PHB1: variants seen among roughly 807,000 people sequenced by gnomAD.
PHB1 encodes the protein prohibitin 1.
At chr17:49,414,194 G>A in the PHB1 span, 8 of 152,166 alleles carry the variant, frequency 5.3e-5, no homozygotes, top group Admixed American at 4.6e-4. Flanking sequence ...TTAAGTGGTA[G>A]AACCAGAATT....
chr17:49,406,859 G>A, the PHB1 span: 2 of 1,605,988 alleles, frequency 1.2e-6, no homozygotes, highest in East Asian at 4.5e-5. Flanking sequence ...ATGTGTCTAA[G>A]GGGAGAGAGT....
At chr17:49,407,046 C>G in the PHB1 span, 14 of 604,590 alleles carry the variant, frequency 2.3e-5, no homozygotes, top group East Asian at 1.1e-4. Context: ...TCTGGCTGCC[C>G]AAACTGCTCC....
the PHB1 span, chr17:49,411,544 T>C: frequency 3.0e-5 from 22 of 729,286 alleles, no homozygotes; most frequent in Non-Finnish European, 4.3e-5. Flanking sequence ...CCAGGGCAAG[T>C]AGTCTAGTCA....
chr17:49,408,940 A>C, the PHB1 span: 1 of 733,936 alleles, frequency 1.4e-6, no homozygotes, highest in Non-Finnish European at 2.3e-6. Flanking sequence ...ACATCTAGCA[A>C]AGCAGAAGGG....
the PHB1 span, chr17:49,411,789 C>T: frequency 1.1e-5 from 17 of 1,614,030 alleles, no homozygotes; most frequent in South Asian, 1.6e-4. Context: ...ACCACAATGT[C>T]CTGCACTCCA....
the PHB1 span, among the ~76,000 whole-genome samples, chr17:49,407,804 C>T: frequency 6.6e-6 from 1 of 152,242 alleles, no homozygotes; most frequent in African/African-American, 2.4e-5. Context: ...AACCTCCTAA[C>T]TCTAACTGCA....
the PHB1 span, among the ~76,000 whole-genome samples, chr17:49,413,524 T>TC: frequency 6.6e-6 from 1 of 150,968 alleles, no homozygotes; most frequent in African/African-American, 2.5e-5. Context: ...TTTTTTTTTT[T>TC]TGGAGACAGG....
chr17:49,414,540 T>C, the PHB1 span, among the ~76,000 whole-genome samples: 4 of 152,082 alleles, frequency 2.6e-5, no homozygotes, highest in African/African-American at 9.7e-5. Context: ...TTCCCAGACC[T>C]CAACTCCTGA....
At chr17:49,413,498 G>T in the PHB1 span, among the ~76,000 whole-genome samples, 6 of 138,634 alleles carry the variant, frequency 4.3e-5, no homozygotes, top group South Asian at 2.3e-4. Flanking sequence ...TTTTTTTTCA[G>T]TTTCTTTTCT....
chr17:49,413,203 C>A, the PHB1 span: 2 of 1,612,798 alleles, frequency 1.2e-6, no homozygotes, highest in African/African-American at 1.3e-5. Flanking sequence ...GTTCACCACG[C>A]CTCCTGCAAC....
chr17:49,406,843 G>C, the PHB1 span: 1 of 1,613,072 alleles, frequency 6.2e-7, no homozygotes, highest in Middle Eastern at 1.7e-4. Flanking sequence ...CCTTCCCGAA[G>C]GTCAGATGTG....
At chr17:49,412,641 G>A in the PHB1 span, 3 of 152,774 alleles carry the variant, frequency 2.0e-5, no homozygotes, top group African/African-American at 7.2e-5. Context: ...CAATGAGGAA[G>A]CTTCCACAGT....
At chr17:49,413,347 C>T in the PHB1 span, 2 of 919,774 alleles carry the variant, frequency 2.2e-6, no homozygotes, top group South Asian at 1.4e-5. Flanking sequence ...TCAGAGAAGG[C>T]CCTCTCTGAC....
At chr17:49,405,652 G>A in the PHB1 span, among the ~76,000 whole-genome samples, 9,291 of 152,172 alleles carry the variant, frequency 0.061, 316 homozygotes, top group Middle Eastern at 0.071. Context: ...GCTCATGCCT[G>A]TAATCCTGGC....
the PHB1 span, chr17:49,404,995 C>T: frequency 1.3e-6 from 2 of 1,552,142 alleles, no homozygotes; most frequent in Non-Finnish European, 1.7e-6. Context: ...TGGGCCCTCA[C>T]TGGGGCAGCT....
the PHB1 span, chr17:49,413,110 T>A: frequency 1.7e-6 from 2 of 1,147,870 alleles, no homozygotes. Context: ...GAGTGTCACA[T>A]GGGCTATGCA....
At chr17:49,413,023 G>A in the PHB1 span, 1 of 609,202 alleles carries the variant, frequency 1.6e-6, no homozygotes, top group Non-Finnish European at 2.9e-6. Context: ...TGATAACAAT[G>A]CAGTCCTGTG....
the PHB1 span, chr17:49,406,913 G>A: frequency 7.9e-7 from 1 of 1,264,496 alleles, no homozygotes; most frequent in Non-Finnish European, 1.2e-6. Flanking sequence ...AGCACTGCTG[G>A]GAGGGCTCCA....
At chr17:49,412,995 C>T in the PHB1 span, 1 of 561,228 alleles carries the variant, frequency 1.8e-6, no homozygotes, top group Non-Finnish European at 3.2e-6. Context: ...GAACCTATGA[C>T]TGAAAGGTCA....
Sources: gnomAD v4.1 joint callset for allele counts (sites outside exome capture counted in the v4.1 genomes callset) on GRCh38, gnomAD v4.1.1 for gene constraint, MANE v1.5 for transcripts, NCBI Gene and HGNC (gene_info 2026-07-23, HGNC 2026-07-21) for gene names.